Variants in N4BP2L2 observed in about 807,000 individuals in gnomAD.
N4BP2L2 encodes NEDD4 binding protein 2 like 2.
A neutral mutation model predicts 56.2 loss-of-function variants in N4BP2L2; 50 were observed. The observed-to-expected ratio is 0.89, with a 90% CI of 0.71 to 1.13. The LOEUF (loss-of-function observed/expected upper bound fraction) is 1.13. N4BP2L2 is among the 50% of genes most tolerant of loss of function. The probability of loss-of-function intolerance (pLI) is 0.00; values close to 1 mark genes in which losing one functional copy is unlikely to be tolerated. For synonymous variants in N4BP2L2, 203 were observed against 223.6 expected (o/e 0.91, Z 0.82); for missense variants, 689 against 693.8 (o/e 0.99, Z 0.08).
intron 6 of N4BP2L2, among the ~76,000 whole-genome samples, chr13:32,450,297 A>G (rs2077717856): frequency 1.3e-5 from 2 of 152,084 alleles, no homozygotes. Context: ...TTAGAACTGA[A>G]TAACAGTAAA....
intron 6 of N4BP2L2, among the ~76,000 whole-genome samples, chr13:32,487,137 G>GT: frequency 6.6e-6 from 1 of 152,154 alleles, no homozygotes; most frequent in Non-Finnish European, 1.5e-5. Flanking sequence ...GACCTGCCTA[G>GT]GTAACATGGT....
exon 2 of N4BP2L2, chr13:32,536,989 A>G: frequency 3.1e-6 from 5 of 1,596,052 alleles, no homozygotes; most frequent in Non-Finnish European, 4.3e-6. Context: ...CTTCTTCTCT[A>G]GGTCCCAAGA....
chr13:32,475,349 AAAG>A (rs1170756204), intron 6 of N4BP2L2, among the ~76,000 whole-genome samples: 3 of 152,194 alleles, frequency 2.0e-5, no homozygotes, highest in Admixed American at 1.3e-4. Context: ...TTAAATAGAA[AAAG>A]AAGAGAGAGA....
intron 7 of N4BP2L2, chr13:32,438,858 T>C: frequency 1.5e-6 from 1 of 661,012 alleles, no homozygotes; most frequent in African/African-American, 1.8e-5. Context: ...GTTTTAAAGA[T>C]ATTTCGGTGA....
At chr13:32,516,815 G>A (rs1430700001) in exon 6 of N4BP2L2, 1 of 784,672 alleles carries the variant, frequency 1.3e-6, no homozygotes, top group Non-Finnish European at 1.5e-6. Context: ...ATGTTGCAAA[G>A]AGAAATGCTT....
intron 2 of N4BP2L2, among the ~76,000 whole-genome samples, chr13:32,528,580 T>C (rs1244326297): frequency 6.6e-6 from 1 of 152,180 alleles, no homozygotes; most frequent in African/African-American, 2.4e-5. Context: ...TGTGCTATGA[T>C]AGGGAAAATG....
intron 6 of N4BP2L2, among the ~76,000 whole-genome samples, chr13:32,504,040 T>G (rs1377489644): frequency 6.6e-6 from 1 of 152,176 alleles, no homozygotes; most frequent in African/African-American, 2.4e-5. Flanking sequence ...GTCTAAGAAT[T>G]CTGAACCTGG....
At chr13:32,530,004 G>T (rs2054234352) in intron 2 of N4BP2L2, among the ~76,000 whole-genome samples, 1 of 152,116 alleles carries the variant, frequency 6.6e-6, no homozygotes, top group South Asian at 2.1e-4. Context: ...GGGATTACAG[G>T]CGTGAGCCAC....
chr13:32,435,020 G>C (rs1032600581), intron 9 of N4BP2L2, among the ~76,000 whole-genome samples: 1 of 152,094 alleles, frequency 6.6e-6, no homozygotes, highest in South Asian at 2.1e-4. Context: ...CATGCTGCTT[G>C]TACTGGTGTC....
At chr13:32,501,692 G>A (rs530851265) in intron 6 of N4BP2L2, among the ~76,000 whole-genome samples, 15 of 151,948 alleles carry the variant, frequency 9.9e-5, no homozygotes, top group African/African-American at 3.4e-4. Flanking sequence ...GTGGGCACCC[G>A]TAGTCTCAGC....
chr13:32,538,265 C>T (rs1786024273), intron 1 of N4BP2L2, among the ~76,000 whole-genome samples: 3 of 151,680 alleles, frequency 2.0e-5, no homozygotes, highest in African/African-American at 7.3e-5. Flanking sequence ...CTGCGGAGAA[C>T]GCCAAAAGGC....
chr13:32,519,896 T>C (rs926351758), intron 5 of N4BP2L2, among the ~76,000 whole-genome samples: 1 of 152,196 alleles, frequency 6.6e-6, no homozygotes, highest in African/African-American at 2.4e-5. Context: ...AAAAATGTAA[T>C]GAAGCCATAA....
chr13:32,462,639 A>G (rs2080345171), intron 6 of N4BP2L2, among the ~76,000 whole-genome samples: 1 of 152,096 alleles, frequency 6.6e-6, no homozygotes, highest in Non-Finnish European at 1.5e-5. Context: ...ACACATATAA[A>G]TAAATACTTA....
chr13:32,513,029 C>T (rs2048455167), exon 6 of N4BP2L2: 1 of 147,698 alleles, frequency 6.8e-6, no homozygotes, highest in South Asian at 2.1e-4. Context: ...GAGACTCCGT[C>T]TCAAAAAAAA....
intron 6 of N4BP2L2, among the ~76,000 whole-genome samples, chr13:32,472,666 G>A (rs1245145303): frequency 6.6e-6 from 1 of 152,164 alleles, no homozygotes; most frequent in Non-Finnish European, 1.5e-5. Context: ...AAGAAATCAA[G>A]CTCCAGAAAG....
At chr13:32,477,499 CA>C in intron 6 of N4BP2L2, 1 of 207,342 alleles carries the variant, frequency 4.8e-6, no homozygotes, top group Non-Finnish European at 9.9e-6. Flanking sequence ...TTGTAAATGA[CA>C]TATGGCAGAC....
chr13:32,460,802 CAACA>C (rs756938959), intron 6 of N4BP2L2, among the ~76,000 whole-genome samples: 15 of 151,728 alleles, frequency 9.9e-5, no homozygotes, highest in African/African-American at 1.7e-4. Context: ...AAAATAACAA[CAACA>C]AACAAATGAA....
chr13:32,460,926 T>C (rs879723995), intron 6 of N4BP2L2, among the ~76,000 whole-genome samples: 5 of 152,042 alleles, frequency 3.3e-5, no homozygotes, highest in South Asian at 2.1e-4. Flanking sequence ...TATCAACCAA[T>C]AGAACAGAAT....
exon 6 of N4BP2L2, chr13:32,517,205 T>C (rs1415341616): frequency 7.1e-6 from 7 of 985,422 alleles, no homozygotes; most frequent in African/African-American, 7.0e-5. Context: ...TGAATATGCA[T>C]ATTATGAAGA....
Sources: gnomAD v4.1 joint callset for allele counts (sites outside exome capture counted in the v4.1 genomes callset) on GRCh38, gnomAD v4.1.1 for gene constraint, MANE v1.5 for transcripts, NCBI Gene and HGNC (gene_info 2026-07-23, HGNC 2026-07-21) for gene names.